RABGAP1L: variants seen among roughly 807,000 people sequenced by gnomAD.
The protein encoded by RABGAP1L is RAB GTPase activating protein 1 like.
In RABGAP1L, 63 loss-of-function variants were observed where a neutral mutation model predicts 137.7. The observed-to-expected ratio is 0.46, with a 90% confidence interval of 0.37 to 0.56. The LOEUF is 0.56. Among genes scored for constraint, RABGAP1L ranks in the 20% least tolerant of loss-of-function variants. The pLI is 0.00. For synonymous variants in RABGAP1L, 431 were observed against 433.7 expected (o/e 0.99, Z 0.08); for missense variants, 1,095 against 1,244.0 (o/e 0.88, Z 1.80).
intron 14 of RABGAP1L, among the ~76,000 whole-genome samples, chr1:174,637,729 A>G (rs982145492): frequency 6.6e-6 from 1 of 152,190 alleles, no homozygotes; most frequent in Non-Finnish European, 1.5e-5. Flanking sequence ...TCCTGCTAAC[A>G]GGAAAGGAAC....
In RABGAP1L at chr1:174,811,942, G is replaced by A. The variant is rs1689906467; in HGVS notation, c.2322G>A (p.Glu774=). The change falls in exon 19 of 26, where the codon GAG becomes GAA. Residue 774 remains glutamate (E), a synonymous_variant. Transcript: ENST00000681986. ...AGGAAAATGCAAGAAGACTGATGGA[G>A]CAGGCTTGCAATATTAAAGTAAGAA... The part of the protein sequence containing the change: ...RAEENARRLM[E]QACNIKVPTK... The A allele has an allele frequency of 6.2e-7, 1 of 1,602,476 alleles. No individual in the cohort carries two copies. The highest frequency in any genetic ancestry group is 1.7e-5 in the Admixed American group (1 of 58,876).
intron 19 of RABGAP1L, among the ~76,000 whole-genome samples, chr1:174,862,282 T>G (rs1650382894): frequency 6.6e-6 from 1 of 152,140 alleles, no homozygotes; most frequent in Non-Finnish European, 1.5e-5. Flanking sequence ...AAGCTGTATC[T>G]TTACTGATTT....
chr1:174,917,255 A>G (rs1661032602), intron 19 of RABGAP1L, among the ~76,000 whole-genome samples: 1 of 152,216 alleles, frequency 6.6e-6, no homozygotes, highest in Non-Finnish European at 1.5e-5. Flanking sequence ...GGTTCATATC[A>G]GGGAAAATGC....
At chr1:174,855,079 A>G (rs1404564826) in intron 19 of RABGAP1L, among the ~76,000 whole-genome samples, 1 of 151,978 alleles carries the variant, frequency 6.6e-6, no homozygotes, top group Admixed American at 6.6e-5. Flanking sequence ...TTTCCTATGT[A>G]AACCCTTTTC....
intron 18 of RABGAP1L, among the ~76,000 whole-genome samples, chr1:174,782,173 T>C (rs912762774): frequency 4.6e-5 from 7 of 152,176 alleles, no homozygotes; most frequent in Non-Finnish European, 7.4e-5. Flanking sequence ...GCCATTTTCA[T>C]GATATTGATT....
intron 14 of RABGAP1L, among the ~76,000 whole-genome samples, chr1:174,654,720 T>C (rs1675837216): frequency 6.6e-6 from 1 of 152,190 alleles, no homozygotes; most frequent in Non-Finnish European, 1.5e-5. Context: ...GCCAAAGGGC[T>C]TTTTTTCTTT....
intron 18 of RABGAP1L, among the ~76,000 whole-genome samples, chr1:174,765,064 C>T (rs186096879): frequency 3.2e-4 from 49 of 152,312 alleles, no homozygotes; most frequent in Non-Finnish European, 5.9e-4. Flanking sequence ...CTCATCTGTC[C>T]GTGTTTGACC....
At chr1:174,323,744 G>C (rs551772686) in intron 11 of RABGAP1L, among the ~76,000 whole-genome samples, 133 of 152,164 alleles carry the variant, frequency 8.7e-4, no homozygotes, top group African/African-American at 3.0e-3. Context: ...TTCTTTAAAG[G>C]ATCAGTTGTA....
At chr1:174,699,371 G>A (rs1189897059) in intron 15 of RABGAP1L, among the ~76,000 whole-genome samples, 154 bp from the exon 16 acceptor site, 1 of 152,156 alleles carries the variant, frequency 6.6e-6, no homozygotes, top group Admixed American at 6.6e-5. Context: ...AAGTAAGGAG[G>A]TCATGTCACT....
intron 17 of RABGAP1L, among the ~76,000 whole-genome samples, chr1:174,715,550 T>C (rs1200072224): frequency 1.3e-5 from 2 of 152,218 alleles, no homozygotes; most frequent in Non-Finnish European, 2.9e-5. Flanking sequence ...GTCACACTAT[T>C]CTTACCTTCT....
intron 13 of RABGAP1L, among the ~76,000 whole-genome samples, chr1:174,603,325 T>C (rs748343682): frequency 2.0e-5 from 3 of 152,172 alleles, no homozygotes; most frequent in Non-Finnish European, 4.4e-5. Context: ...TCCGTCTCCA[T>C]CCTGAGCTGC....
At chr1:174,614,020 G>A (rs1158120134) in intron 13 of RABGAP1L, among the ~76,000 whole-genome samples, 5 of 152,178 alleles carry the variant, frequency 3.3e-5, no homozygotes, top group Admixed American at 6.5e-5. Context: ...CAATTTGCCA[G>A]TCTGTGTCTT....
chr1:174,599,802 A>G (rs1670275662), intron 13 of RABGAP1L, among the ~76,000 whole-genome samples: 1 of 152,124 alleles, frequency 6.6e-6, no homozygotes, highest in Non-Finnish European at 1.5e-5. Flanking sequence ...GCCCTGAGGT[A>G]GTCTTCTTTG....
At chr1:174,817,950 A>G (rs1050069140) in intron 19 of RABGAP1L, among the ~76,000 whole-genome samples, 1 of 152,244 alleles carries the variant, frequency 6.6e-6, no homozygotes, top group African/African-American at 2.4e-5. Context: ...AACTTGGTGG[A>G]AATCACACTG....
In RABGAP1L at chr1:174,394,112, A is replaced by G; in HGVS notation, c.1677A>G (p.Ala559=). The change falls in exon 13 of 26, where the codon GCA becomes GCG. Residue 559 remains alanine (A), a synonymous_variant. Coordinates refer to ENST00000681986, the MANE Select transcript of RABGAP1L (RefSeq NM_001366446.1). The part of the protein sequence containing the change: ...QLLAGCHDNQ[A]MLDRYRILIT... ...TGGCAGGCTGCCATGACAACCAGGC[A>G]ATGCTGGATAGATACCGAATTCTTA... 7 of 1,613,794 alleles carry G rather than the reference A, an allele frequency of 4.3e-6. No homozygotes were observed. Among genetic ancestry groups the G allele is most frequent in the Non-Finnish European group, 4.2e-6 (5 of 1,179,782 alleles).
At chr1:174,347,762 A>G (rs561492102) in intron 11 of RABGAP1L, among the ~76,000 whole-genome samples, 11 of 152,132 alleles carry the variant, frequency 7.2e-5, no homozygotes. Flanking sequence ...CCAGAGTGCT[A>G]GGATTACAGG....
At chr1:174,344,871 AT>A (rs1032597785) in intron 11 of RABGAP1L, among the ~76,000 whole-genome samples, 1 of 152,142 alleles carries the variant, frequency 6.6e-6, no homozygotes, top group Admixed American at 6.5e-5. Flanking sequence ...GCCCAGACCA[AT>A]GTCCTCGAGA....
rs542122915 is a variant in RABGAP1L, at chr1:174,441,133, G to A, written c.1710+46988G>A. 7.3e-4 allele frequency among the ~76,000 whole-genome samples: 110 copies of A among 151,154 alleles called. No individual in the cohort carries two copies. The South Asian group carries it at 7.5e-3, about 10-fold the overall frequency. The stretch of plus-strand genomic sequence containing the variant: ...TGCCTGTGATGTATCATGTAATAAA[G>A]TTATACAGTTTGGGCTGTTTCAAGT... On this transcript the variant is annotated intron_variant, in intron 13 of 25. Transcript: ENST00000681986.
intron 11 of RABGAP1L, among the ~76,000 whole-genome samples, chr1:174,347,540 T>C (rs1682559722): frequency 6.6e-6 from 1 of 151,454 alleles, no homozygotes; most frequent in African/African-American, 2.4e-5. Context: ...TCACCCAGAC[T>C]GGAGTGCAGT....
Sources: allele counts gnomAD v4.1 joint callset (sites outside exome capture counted in the v4.1 genomes callset), GRCh38; gene constraint gnomAD v4.1.1; transcripts MANE v1.5; gene names NCBI Gene and HGNC (gene_info 2026-07-23, HGNC 2026-07-21).